The following MYPN variants were observed in gnomAD, a reference collection of about 807,000 sequenced individuals.
MYPN encodes the protein sarcomeric protein myopalladin, 145 kDa (MYOP).
A neutral mutation model predicts 129.4 loss-of-function variants in MYPN; 63 were observed. The observed-to-expected ratio is 0.49, with a 90% confidence interval of 0.40 to 0.60. MYPN has a LOEUF of 0.60. Ranked by LOEUF, MYPN falls within the 20% of genes least tolerant of loss-of-function variation. The probability of loss-of-function intolerance (pLI) is 0.00; values close to 1 mark genes in which losing one functional copy is unlikely to be tolerated. For missense variants in MYPN, 1,596 were observed against 1,635.4 expected (o/e 0.98, Z 0.42); for synonymous variants, 629 against 600.9 (o/e 1.05, Z -0.68).
chr10:68,169,274 C>T (rs1564677127), intron 10 of MYPN, among the ~76,000 whole-genome samples: 1 of 146,350 alleles, frequency 6.8e-6, no homozygotes, highest in Non-Finnish European at 1.5e-5. Flanking sequence ...GGGAGAATGG[C>T]GTGAACCCAG....
intron 2 of MYPN, among the ~76,000 whole-genome samples, chr10:68,131,323 G>A (rs975369557): frequency 1.3e-5 from 2 of 151,634 alleles, no homozygotes; most frequent in Non-Finnish European, 2.9e-5. Context: ...CAGGATGTGG[G>A]GGTTGCAGTG....
At chr10:68,092,082 T>TA (rs1006900721) in intron 1 of MYPN, among the ~76,000 whole-genome samples, 3 of 151,724 alleles carry the variant, frequency 2.0e-5, no homozygotes, top group East Asian at 1.9e-4. Flanking sequence ...GCTCTGTCTC[T>TA]AAAAAAAAGA....
At chr10:68,206,684 T>C in intron 18 of MYPN, 86 bp from the exon 19 acceptor site, 2 of 1,576,720 alleles carry the variant, frequency 1.3e-6, no homozygotes, top group Admixed American at 1.7e-5. Flanking sequence ...TTAAGCTGAG[T>C]TCCCCCTTCT....
At chr10:68,095,503 G>C (rs2041952483) in intron 1 of MYPN, among the ~76,000 whole-genome samples, 1 of 152,154 alleles carries the variant, frequency 6.6e-6, no homozygotes, top group Admixed American at 6.6e-5. Context: ...CCTCCCATCT[G>C]AAGTACCAGC....
In MYPN at chr10:68,171,779, G is replaced by A. The variant is rs534404366; in HGVS notation, c.1974-2287G>A. Among the ~76,000 whole-genome samples the A allele has an allele frequency of 1.8e-3, 273 of 152,282 alleles. 1 individual carries two copies. Among genetic ancestry groups the A allele is most frequent in the Non-Finnish European group, 3.2e-3 (218 of 68,020 alleles). ...GGCAAATGTTTAATGACTGACAGGG[G>A]TGAGAAAGCCCTGATTTTTAGCATT... On this transcript the variant is annotated intron_variant, in intron 10 of 19. Coordinates refer to ENST00000358913, the MANE Select transcript of MYPN (RefSeq NM_032578.4).
intron 2 of MYPN, among the ~76,000 whole-genome samples, chr10:68,137,205 G>T (rs1341645605): frequency 6.6e-6 from 1 of 152,118 alleles, no homozygotes; most frequent in African/African-American, 2.4e-5. Context: ...GTTTTTCATT[G>T]TTCGCATATC....
chr10:68,182,415 A>AACACATATATATAACACATATATATAAC (rs200194057), intron 12 of MYPN, among the ~76,000 whole-genome samples: 6 of 58,140 alleles, frequency 1.0e-4, no homozygotes, highest in African/African-American at 2.1e-4. Context: ...ACATATATAT[A>AACACATATATATAACACATATATATAAC]ACATATATAT....
At chr10:68,167,583 TA>T (rs10712187) in intron 10 of MYPN, among the ~76,000 whole-genome samples, 60,743 of 151,976 alleles carry the variant, frequency 0.4, 13,921 homozygotes, top group Non-Finnish European at 0.52. Flanking sequence ...ATCAAAATGA[TA>T]AAAAAATTGT....
intron 10 of MYPN, among the ~76,000 whole-genome samples, chr10:68,169,669 G>A (rs2043115166): frequency 1.3e-5 from 2 of 151,928 alleles, no homozygotes; most frequent in African/African-American, 2.4e-5. Flanking sequence ...GGTCCAAGAC[G>A]GCTGATGGTG....
chr10:68,172,412 C>T (rs1398285959), intron 10 of MYPN, among the ~76,000 whole-genome samples: 1 of 152,194 alleles, frequency 6.6e-6, no homozygotes, highest in African/African-American at 2.4e-5. Context: ...TCCTGAAGCA[C>T]TGTGATCTCA....
intron 13 of MYPN, among the ~76,000 whole-genome samples, chr10:68,191,613 T>A (rs1419144371): frequency 6.6e-6 from 1 of 152,218 alleles, no homozygotes; most frequent in Non-Finnish European, 1.5e-5. Context: ...ATTTTAACAA[T>A]GTTAATTCTT....
rs1470891153 is a variant in MYPN at position 68,119,572 on chromosome 10, A to G, written c.-1-1866A>G. ...ATTACAGGCGCCCACCACCACGCCC[A>G]GCTAATTTTTTGTATTTTTGGTAGA... On this transcript the variant is annotated intron_variant, in intron 1 of 19. Transcript: ENST00000358913. Among the ~76,000 whole-genome samples the G allele has an allele frequency of 2.0e-5, 3 of 151,926 alleles. No individual in the cohort carries two copies. In the East Asian group the frequency reaches 5.8e-4, roughly 29 times the overall value.
intron 10 of MYPN, among the ~76,000 whole-genome samples, chr10:68,167,372 A>C (rs1227636802): frequency 6.6e-6 from 1 of 152,186 alleles, no homozygotes; most frequent in Admixed American, 6.5e-5. Flanking sequence ...ACTATTTAGT[A>C]ATTTTTAGAT....
chr10:68,187,854 C>T (rs2043446172), intron 12 of MYPN, among the ~76,000 whole-genome samples: 1 of 152,142 alleles, frequency 6.6e-6, no homozygotes, highest in Non-Finnish European at 1.5e-5. Flanking sequence ...AAGTAGTCAT[C>T]TGTGTCTAAT....
At chr10:68,089,253 A>G (rs1397441548) in intron 1 of MYPN, among the ~76,000 whole-genome samples, 1 of 152,064 alleles carries the variant, frequency 6.6e-6, no homozygotes, top group Non-Finnish European at 1.5e-5. Flanking sequence ...GCTGGTCTTG[A>G]ACTCCTGGCC....
At chr10:68,112,164 C>G (rs2042090714) in intron 1 of MYPN, among the ~76,000 whole-genome samples, 1 of 152,124 alleles carries the variant, frequency 6.6e-6, no homozygotes. Context: ...TGACAACCAC[C>G]AAACCCTTTT....
intron 10 of MYPN, among the ~76,000 whole-genome samples, chr10:68,172,128 C>CA (rs2043153697): frequency 6.6e-6 from 1 of 152,126 alleles, no homozygotes; most frequent in South Asian, 2.1e-4. Flanking sequence ...CCAAGGCGGG[C>CA]AAATTGCTTG....
chr10:68,160,071 T>A (rs757730864), intron 7 of MYPN, among the ~76,000 whole-genome samples: 2 of 152,136 alleles, frequency 1.3e-5, no homozygotes, highest in Non-Finnish European at 2.9e-5. Context: ...CTCTCAGGTT[T>A]TATTGGTAGT....
chr10:68,142,829 T>G, intron 2 of MYPN, 111 bp from the exon 3 acceptor site: 1 of 1,033,634 alleles, frequency 9.7e-7, no homozygotes, highest in Non-Finnish European at 1.5e-6. Flanking sequence ...GAGTTTTTTG[T>G]TGTTGTTGTT....
Sources: allele counts gnomAD v4.1 joint callset (sites outside exome capture counted in the v4.1 genomes callset), GRCh38; gene constraint gnomAD v4.1.1; transcripts MANE v1.5; gene names NCBI Gene and HGNC (gene_info 2026-07-23, HGNC 2026-07-21).